The following AGBL4 variants were observed in gnomAD, a reference collection of about 807,000 sequenced individuals.
AGBL4 encodes cytosolic carboxypeptidase 6.
Under a neutral mutation model 66.4 loss-of-function variants are expected in AGBL4, and 58 were observed. The ratio of observed to expected loss-of-function variants is 0.87; its 90% CI spans 0.71 to 1.09. The LOEUF (loss-of-function observed/expected upper bound fraction) is 1.09, where lower values mean the gene tolerates loss of function less well. AGBL4 is among the 50% of genes least tolerant of loss of function. AGBL4 has a pLI of 0.00. For missense variants in AGBL4, 579 were observed against 631.0 expected (o/e 0.92, Z 0.88); for synonymous variants, 234 against 222.9 (o/e 1.05, Z -0.44).
At chr1:49,375,854 C>G (rs940322409) in intron 3 of AGBL4, among the ~76,000 whole-genome samples, 1 of 152,072 alleles carries the variant, frequency 6.6e-6, no homozygotes, top group African/African-American at 2.4e-5. Flanking sequence ...CCTTCTCTGC[C>G]TTTCTCGACA....
At chr1:48,762,686 C>G (rs1220280206) in intron 6 of AGBL4, among the ~76,000 whole-genome samples, 6 of 150,626 alleles carry the variant, frequency 4.0e-5, no homozygotes, top group Non-Finnish European at 8.8e-5. Context: ...TAAACATGCT[C>G]TTACACTGTT....
chr1:49,828,302 AAAGC>A (rs1460727670), intron 2 of AGBL4, among the ~76,000 whole-genome samples: 11 of 152,238 alleles, frequency 7.2e-5, no homozygotes, highest in Admixed American at 5.9e-4. Flanking sequence ...AACAAATAAA[AAAGC>A]AAGTAGCATA....
At chr1:48,935,389 A>C (rs754856410) in intron 5 of AGBL4, among the ~76,000 whole-genome samples, 1 of 152,028 alleles carries the variant, frequency 6.6e-6, no homozygotes, top group Non-Finnish European at 1.5e-5. Flanking sequence ...TTTTCTCTGA[A>C]ATCAGTCTAC....
chr1:49,194,671 C>T (rs1366961906), intron 4 of AGBL4, among the ~76,000 whole-genome samples: 1 of 151,996 alleles, frequency 6.6e-6, no homozygotes, highest in African/African-American at 2.4e-5. Context: ...ATTATAGCTC[C>T]CCACAGCCAA....
intron 5 of AGBL4, among the ~76,000 whole-genome samples, chr1:48,960,069 A>G (rs1478334737): frequency 6.6e-6 from 1 of 152,196 alleles, no homozygotes; most frequent in Non-Finnish European, 1.5e-5. Context: ...AGGAGGCAAC[A>G]GCAGAATCAG....
At chr1:48,530,284 A>G (rs980736710), downstream of AGBL4, among the ~76,000 whole-genome samples, 1 of 152,246 alleles carries the variant, frequency 6.6e-6, no homozygotes, top group Non-Finnish European at 1.5e-5. Context: ...TGTTGGGAAC[A>G]TTGAATAAGG....
At position 49,203,776 on chromosome 1, in the gene AGBL4, C is replaced by T. The variant is rs188403268; in HGVS notation, c.377+41994G>A. 1.2e-4 allele frequency among the ~76,000 whole-genome samples: 18 copies of T among 152,194 alleles called. No individual in the cohort carries two copies. In the East Asian group the frequency reaches 3.5e-3, roughly 30 times the overall value. On this transcript the variant is annotated intron_variant, in intron 4 of 13. Transcript: ENST00000371839. ...CCGAGATTGTGCCATTGCTCTCCAG[C>T]CTGGGCAACAAGAGCGAAACTCTGT...
At chr1:49,143,673 T>C (rs1290373975) in intron 4 of AGBL4, among the ~76,000 whole-genome samples, 1 of 152,190 alleles carries the variant, frequency 6.6e-6, no homozygotes, top group African/African-American at 2.4e-5. Flanking sequence ...CCAGAAGTCT[T>C]ATACATAAAT....
intron 5 of AGBL4, among the ~76,000 whole-genome samples, chr1:48,940,711 C>T (rs1473328089): frequency 6.6e-6 from 1 of 152,176 alleles, no homozygotes; most frequent in Non-Finnish European, 1.5e-5. Context: ...GCCTCCTACC[C>T]TCAACGGTTA....
chr1:48,779,589 A>G (rs1645239160), intron 6 of AGBL4, among the ~76,000 whole-genome samples: 1 of 152,214 alleles, frequency 6.6e-6, no homozygotes, highest in Non-Finnish European at 1.5e-5. Context: ...CATCCCAGGT[A>G]CCTAGCACAG....
At chr1:49,657,266 G>A (rs373096037) in intron 3 of AGBL4, among the ~76,000 whole-genome samples, 7 of 151,980 alleles carry the variant, frequency 4.6e-5, no homozygotes, top group Admixed American at 6.6e-5. Flanking sequence ...AATTGCTTCA[G>A]AGAGAATAAA....
intron 5 of AGBL4, among the ~76,000 whole-genome samples, chr1:48,999,318 T>C (rs1661231252): frequency 6.6e-6 from 1 of 152,168 alleles, no homozygotes; most frequent in Non-Finnish European, 1.5e-5. Context: ...ATAATAATCA[T>C]CATCATCACA....
At chr1:49,169,158 G>A (rs1646686497) in intron 4 of AGBL4, among the ~76,000 whole-genome samples, 1 of 152,140 alleles carries the variant, frequency 6.6e-6, no homozygotes, top group Non-Finnish European at 1.5e-5. Flanking sequence ...TAGCATTTTA[G>A]ACTAGCAAAG....
At chr1:49,219,427 GT>G (rs1649328339) in intron 4 of AGBL4, among the ~76,000 whole-genome samples, 1 of 152,084 alleles carries the variant, frequency 6.6e-6, no homozygotes, top group East Asian at 1.9e-4. Flanking sequence ...AAATATCTGA[GT>G]TTTGCCACAG....
chr1:48,534,024 T>C lies in AGBL4; in HGVS notation c.*149A>G. The C allele has an allele frequency of 7.8e-7, 1 of 1,275,806 alleles. No individual in the cohort carries two copies. The highest frequency in any genetic ancestry group is 1.1e-6 in the Non-Finnish European group (1 of 905,848). 79.0% of individuals were successfully genotyped at this position (1,275,806 alleles called of 1,614,324 possible). On this transcript the variant is annotated 3_prime_UTR_variant, in exon 14 of 14. Transcript: ENST00000371839. The stretch of plus-strand genomic sequence containing the variant: ...TTCCATTGGAAAAAGGGAAAATCAG[T>C]GATGAAGTTTCTCATTGTATCCCTT...
intron 4 of AGBL4, among the ~76,000 whole-genome samples, chr1:49,063,415 A>G (rs968255192): frequency 1.3e-5 from 2 of 152,160 alleles, no homozygotes; most frequent in African/African-American, 2.4e-5. Context: ...ATCTGGCTCA[A>G]TGTTTTTTAT....
chr1:48,901,036 C>A (rs1368496837), intron 5 of AGBL4, among the ~76,000 whole-genome samples: 1 of 151,930 alleles, frequency 6.6e-6, no homozygotes, highest in Non-Finnish European at 1.5e-5. Flanking sequence ...AAAAAGCAAC[C>A]TAATTTTAGT....
At chr1:49,134,084 C>T (rs565626174) in intron 4 of AGBL4, among the ~76,000 whole-genome samples, 9 of 152,068 alleles carry the variant, frequency 5.9e-5, no homozygotes, top group African/African-American at 1.2e-4. Context: ...CATCACATGT[C>T]GGCAGGTTCC....
At chr1:49,312,469 A>G (rs1328586015) in intron 3 of AGBL4, among the ~76,000 whole-genome samples, 2 of 152,096 alleles carry the variant, frequency 1.3e-5, no homozygotes, top group Non-Finnish European at 2.9e-5. Flanking sequence ...GGACTAAGAC[A>G]ATATCCAATT....
Sources: gnomAD v4.1 joint callset for allele counts (sites outside exome capture counted in the v4.1 genomes callset) on GRCh38, gnomAD v4.1.1 for gene constraint, MANE v1.5 for transcripts, NCBI Gene and HGNC (gene_info 2026-07-23, HGNC 2026-07-21) for gene names.